TESC: variants seen among roughly 807,000 people sequenced by gnomAD.
TESC encodes calcineurin B homologous protein 3.
TESC carries 19 observed loss-of-function variants against 31.0 expected under a neutral mutation model. That is an observed-to-expected ratio of 0.61 (90% CI 0.43 to 0.90). The LOEUF (loss-of-function observed/expected upper bound fraction) is 0.90. Ranked by LOEUF, TESC falls within the 40% of genes least tolerant of loss-of-function variation. The pLI is 0.00. For synonymous variants in TESC, 109 were observed against 114.8 expected (o/e 0.95, Z 0.32); for missense variants, 248 against 303.8 (o/e 0.82, Z 1.36).
intron 1 of TESC, among the ~76,000 whole-genome samples, chr12:117,080,813 G>C (rs546908265): frequency 6.6e-6 from 1 of 151,734 alleles, no homozygotes; most frequent in Non-Finnish European, 1.5e-5. Flanking sequence ...AGGGCCCCTC[G>C]CATAAGCACC....
At chr12:117,062,824 C>T (rs947542025) in intron 2 of TESC, among the ~76,000 whole-genome samples, 6 of 152,314 alleles carry the variant, frequency 3.9e-5, no homozygotes, top group African/African-American at 1.2e-4. Context: ...CTAAAGGTGT[C>T]GCAGCCCAGG....
intron 7 of TESC, among the ~76,000 whole-genome samples, chr12:117,039,598 C>T (rs890425991): frequency 2.0e-5 from 3 of 146,956 alleles, no homozygotes; most frequent in South Asian, 2.1e-4. Context: ...CTTCACAGAA[C>T]GTTGGGGGCT....
At chr12:117,043,274 G>C (rs1305619622) in intron 6 of TESC, among the ~76,000 whole-genome samples, 1 of 152,040 alleles carries the variant, frequency 6.6e-6, no homozygotes, top group African/African-American at 2.4e-5. Flanking sequence ...CACCGAGAGG[G>C]AGTCCCTTTA....
At chr12:117,091,553 G>T (rs914033951) in intron 1 of TESC, among the ~76,000 whole-genome samples, 9 of 152,218 alleles carry the variant, frequency 5.9e-5, no homozygotes, top group Non-Finnish European at 1.3e-4. Flanking sequence ...CCAATCTGCG[G>T]AGCGAGGACG....
intron 2 of TESC, among the ~76,000 whole-genome samples, chr12:117,069,793 A>G (rs745897923): frequency 1.5e-4 from 23 of 152,220 alleles, no homozygotes; most frequent in Admixed American, 3.9e-4. Context: ...CACATTTAGA[A>G]ATCCAGTTCT....
intron 1 of TESC, among the ~76,000 whole-genome samples, chr12:117,093,757 G>A (rs1041721768): frequency 5.3e-5 from 8 of 151,956 alleles, no homozygotes; most frequent in African/African-American, 1.9e-4. Context: ...TTACCATCAT[G>A]AGGTCTGAAC....
At chr12:117,060,868 A>G (rs552687333) in intron 2 of TESC, among the ~76,000 whole-genome samples, 12 of 152,334 alleles carry the variant, frequency 7.9e-5, no homozygotes, top group African/African-American at 2.9e-4. Flanking sequence ...GGAATCTGGG[A>G]GAACAGAGAA....
intron 1 of TESC, among the ~76,000 whole-genome samples, chr12:117,076,923 C>A (rs1955082040): frequency 6.6e-6 from 1 of 152,138 alleles, no homozygotes; most frequent in Admixed American, 6.6e-5. Context: ...GACTTTAGGT[C>A]TGGTTCCTGG....
chr12:117,077,610 A>T lies in TESC; in HGVS notation c.59-2270T>A, dbSNP rs535083157. ...GGCAGTGAAAATGAACAATATAGAT[A>T]ATCACAGACAAAAGCAGCCAGACAG... is the stretch of plus-strand genomic sequence containing the variant. On this transcript the variant is annotated intron_variant, in intron 1 of 7. Coordinates refer to ENST00000335209, the MANE Select transcript of TESC (RefSeq NM_017899.4). Among the ~76,000 whole-genome samples the T allele has an allele frequency of 2.0e-5, 3 of 152,352 alleles. No homozygotes were observed. The East Asian group carries it at 5.8e-4, about 29-fold the overall frequency.
intron 2 of TESC, among the ~76,000 whole-genome samples, chr12:117,063,848 C>T (rs1167914055): frequency 2.0e-5 from 3 of 152,230 alleles, no homozygotes; most frequent in Non-Finnish European, 4.4e-5. Flanking sequence ...TCACTCAGCA[C>T]ATGTCTTCCC....
chr12:117,082,084 T>G (rs372988624), intron 1 of TESC, among the ~76,000 whole-genome samples: 1 of 147,210 alleles, frequency 6.8e-6, no homozygotes, highest in Admixed American at 6.7e-5. Context: ...AATCAAAAAA[T>G]TAGCTGGGTG....
intron 7 of TESC, 67 bp from the exon 8 acceptor site, chr12:117,039,277 G>T: frequency 1.3e-6 from 2 of 1,489,698 alleles, no homozygotes; most frequent in Non-Finnish European, 9.2e-7. Flanking sequence ...CAGGCCCCCC[G>T]GTCCTCGGCC....
intron 2 of TESC, among the ~76,000 whole-genome samples, chr12:117,060,060 G>A (rs952479165): frequency 2.6e-5 from 4 of 152,178 alleles, no homozygotes; most frequent in Admixed American, 6.5e-5. Context: ...GGCTGGGGAC[G>A]GGGTGATGGC....
chr12:117,055,525 C>T (rs2135758973), intron 3 of TESC, among the ~76,000 whole-genome samples: 1 of 152,360 alleles, frequency 6.6e-6, no homozygotes, highest in East Asian at 1.9e-4. Flanking sequence ...TAGTCACATC[C>T]CTGTGCTGTC....
chr12:117,084,866 G>T (rs1016809321), intron 1 of TESC, among the ~76,000 whole-genome samples: 2 of 152,248 alleles, frequency 1.3e-5, no homozygotes, highest in Non-Finnish European at 2.9e-5. Flanking sequence ...TGGCCCCCAG[G>T]AGTGTGTGGG....
At position 117,079,405 on chromosome 12, in the gene TESC, T is replaced by TA. The variant is rs980873187; in HGVS notation, c.59-4066dup. Among the ~76,000 whole-genome samples, 13 of 151,536 alleles carry TA rather than the reference T, an allele frequency of 8.6e-5. 1 individual carries two copies. The highest frequency in any genetic ancestry group is 2.7e-4 in the African/African-American group (11 of 41,216). Reference sequence around the variant, plus strand: ...GCCAAAACCCCATCTCTACTAAAAATAAAAAAACTAGCCGAGAGTGGTGGC... The same window carrying TA: ...GCCAAAACCCCATCTCTACTAAAAATAAAAAAAACTAGCCGAGAGTGGTGGC... On this transcript the variant is annotated intron_variant, in intron 1 of 7. Coordinates refer to ENST00000335209, the MANE Select transcript of TESC (RefSeq NM_017899.4).
intron 2 of TESC, among the ~76,000 whole-genome samples, chr12:117,063,566 C>A (rs1954828527): frequency 6.6e-6 from 1 of 152,208 alleles, no homozygotes. Flanking sequence ...CCAACCCCCA[C>A]CAACCACCAC....
intron 1 of TESC, among the ~76,000 whole-genome samples, chr12:117,086,144 A>G (rs1955216676): frequency 6.6e-6 from 1 of 152,212 alleles, no homozygotes; most frequent in Non-Finnish European, 1.5e-5. Context: ...AGAGGAGGAA[A>G]TGGGGAGTGA....
chr12:117,067,228 G>C (rs1305590167), intron 2 of TESC, among the ~76,000 whole-genome samples: 8 of 152,092 alleles, frequency 5.3e-5, no homozygotes, highest in Admixed American at 5.2e-4. Context: ...TGCTGAGCTA[G>C]GTAGGGCCTC....
Sources: allele counts gnomAD v4.1 joint callset (sites outside exome capture counted in the v4.1 genomes callset), GRCh38; gene constraint gnomAD v4.1.1; transcripts MANE v1.5; gene names NCBI Gene and HGNC (gene_info 2026-07-23, HGNC 2026-07-21).